Variants in HDX observed in about 807,000 individuals in gnomAD.
The protein encoded by HDX is chromosome X open reading frame 43.
Under a neutral mutation model 45.2 loss-of-function variants are expected in HDX, and 19 were observed. The ratio of observed to expected loss-of-function variants is 0.42; its 90% CI spans 0.29 to 0.62. The LOEUF (loss-of-function observed/expected upper bound fraction) is 0.62, where lower values mean the gene tolerates loss of function less well. Among genes scored for constraint, HDX ranks in the 20% least tolerant of loss-of-function variants. The probability of loss-of-function intolerance (pLI) is 0.20; values close to 1 mark genes in which losing one functional copy is unlikely to be tolerated. For missense variants in HDX, 532 were observed against 493.9 expected, an observed-to-expected ratio of 1.08 and a Z score of -0.73; for synonymous variants, 188 against 172.8, an observed-to-expected ratio of 1.09 and a Z score of -0.69.
At chrX:84,480,149 C>G (rs112387286) in intron 2 of HDX, among the ~76,000 whole-genome samples, 1 of 110,961 alleles carries the variant, frequency 9.0e-6, no homozygotes, top group Non-Finnish European at 1.9e-5. Flanking sequence ...TTAACATTTC[C>G]AATTGTTCAT....
At chrX:84,449,611 C>A (rs1483093158) in intron 4 of HDX, among the ~76,000 whole-genome samples, 1 of 111,483 alleles carries the variant, frequency 9.0e-6, no homozygotes, top group Non-Finnish European at 1.9e-5. Flanking sequence ...ATTTCCCAGA[C>A]AAACAAAAGC....
chrX:84,362,433 T>A, intron 5 of HDX, among the ~76,000 whole-genome samples: 1 of 111,097 alleles, frequency 9.0e-6, no homozygotes, highest in Non-Finnish European at 1.9e-5. Flanking sequence ...TATCTGAGTT[T>A]TTCTAGTTGT....
chrX:84,388,684 C>T (rs2038375011), intron 5 of HDX, among the ~76,000 whole-genome samples: 1 of 111,370 alleles, frequency 9.0e-6, no homozygotes, highest in South Asian at 3.8e-4. Flanking sequence ...TCTATTTTAT[C>T]CTTCAGCTCT....
In HDX at chrX:84,468,770, G is replaced by T; in HGVS notation, c.953C>A (p.Ala318Glu). Residue 318 changes from alanine to glutamate, a missense_variant, in exon 4 of 11, where the codon GCA becomes GAA. Transcript: ENST00000373177. ...AAATCTCGAATAGCTTGGTATCTGT[G>T]CTCTCATCGATGCCAGCTCTTCCTC... ...AREEELASMRAQIPSYSRFYE... is the reference protein window; with the variant it reads ...AREEELASMREQIPSYSRFYE... The T allele has an allele frequency of 8.3e-7, 1 of 1,211,037 alleles. No individual in the cohort carries two copies. Among genetic ancestry groups the T allele is most frequent in the Non-Finnish European group, 1.1e-6 (1 of 894,982 alleles).
At chrX:84,342,555 G>A (rs1396769952) in intron 7 of HDX, among the ~76,000 whole-genome samples, 1 of 110,068 alleles carries the variant, frequency 9.1e-6, no homozygotes, top group Non-Finnish European at 1.9e-5. Context: ...GAGAGAGAGT[G>A]TGTGTGTGTA....
At chrX:84,380,212 C>A (rs2147900889) in intron 5 of HDX, among the ~76,000 whole-genome samples, 1 of 105,692 alleles carries the variant, frequency 9.5e-6, no homozygotes, top group Admixed American at 1.0e-4. Flanking sequence ...GTAACGGGAT[C>A]AAAGCTGTAA....
At chrX:84,328,946 C>T (rs1451710640) in intron 9 of HDX, among the ~76,000 whole-genome samples, 2 of 111,861 alleles carry the variant, frequency 1.8e-5, no homozygotes, top group Admixed American at 9.5e-5. Flanking sequence ...GTAAATTGTA[C>T]ATTGGTTTGG....
intron 3 of HDX, among the ~76,000 whole-genome samples, chrX:84,472,630 G>A (rs1233938425): frequency 1.8e-5 from 2 of 110,787 alleles, no homozygotes; most frequent in Admixed American, 9.6e-5. Flanking sequence ...AGCAGTCTGG[G>A]GTCCTTTAAG....
chrX:84,500,959 A>C (rs2041107500), intron 1 of HDX, among the ~76,000 whole-genome samples: 1 of 111,683 alleles, frequency 9.0e-6, no homozygotes, highest in South Asian at 3.7e-4. Flanking sequence ...AAGACTGCCT[A>C]GGAAGCTCCT....
At chrX:84,375,665 T>A (rs5968307) in intron 5 of HDX, among the ~76,000 whole-genome samples, 69 of 105,791 alleles carry the variant, frequency 6.5e-4, no homozygotes, top group Non-Finnish European at 6.6e-4. Context: ...AACACCGCAT[T>A]TTCTCACTCA....
chrX:84,435,811 C>T (rs1279977380), intron 5 of HDX, among the ~76,000 whole-genome samples: 2 of 103,288 alleles, frequency 1.9e-5, no homozygotes, highest in Admixed American at 1.1e-4. Flanking sequence ...GAAATAGGAA[C>T]ACTTTTACAC....
intron 4 of HDX, among the ~76,000 whole-genome samples, chrX:84,451,391 C>T (rs1450203372): frequency 9.0e-6 from 1 of 110,591 alleles, no homozygotes; most frequent in Non-Finnish European, 1.9e-5. Context: ...CTATAAAGAA[C>T]AACTATACAC....
At chrX:84,488,784 A>G (rs765117815) in intron 1 of HDX, among the ~76,000 whole-genome samples, 32 of 112,274 alleles carry the variant, frequency 2.9e-4, no homozygotes, top group African/African-American at 8.7e-4. Context: ...ATAGAAAAAT[A>G]AAGTGTTTTT....
chrX:84,402,770 G>C (rs780008304), intron 5 of HDX, among the ~76,000 whole-genome samples: 1 of 111,643 alleles, frequency 9.0e-6, no homozygotes, highest in Admixed American at 9.6e-5. Context: ...GTCTTCCAAA[G>C]TGGCTGTACT....
chrX:84,344,023 T>A lies in HDX; in HGVS notation c.1660+227A>T, dbSNP rs894949131. Among the ~76,000 whole-genome samples the A allele has an allele frequency of 3.6e-5, 4 of 111,730 alleles. No individual in the cohort carries two copies. The Admixed American group carries it at 3.8e-4, about 11-fold the overall frequency. On this transcript the variant is annotated intron_variant, in intron 7 of 10. Coordinates refer to ENST00000373177, the MANE Select transcript of HDX (RefSeq NM_001177479.2). Reference sequence around the variant, plus strand: ...AATTATAATGCATGAATTGTAATAATCAACATTTATAAATGTAGGAGATTA... The same window carrying A: ...AATTATAATGCATGAATTGTAATAAACAACATTTATAAATGTAGGAGATTA...
intron 4 of HDX, among the ~76,000 whole-genome samples, chrX:84,459,142 A>T (rs1194884829): frequency 8.9e-6 from 1 of 111,946 alleles, no homozygotes; most frequent in Non-Finnish European, 1.9e-5. Context: ...TCAGTAGGCT[A>T]ATTAAGAAAA....
At chrX:84,420,498 T>C (rs766826674) in intron 5 of HDX, among the ~76,000 whole-genome samples, 4 of 111,061 alleles carry the variant, frequency 3.6e-5, no homozygotes, top group Non-Finnish European at 7.6e-5. Flanking sequence ...GATCAAAAAA[T>C]AGTCTCAAAA....
chrX:84,323,395 A>G lies in HDX; in HGVS notation c.1948-1381T>C, dbSNP rs186132615. Among the ~76,000 whole-genome samples, 17 of 111,099 alleles carry G rather than the reference A, an allele frequency of 1.5e-4. No individual in the cohort carries two copies. In the East Asian group the frequency reaches 4.8e-3, roughly 31 times the overall value. ...ACATTGGCTGATCAGTCTATATGACATACATCACTGGATTTAACTCGCTTT... is the reference window on the plus strand; with the variant it reads ...ACATTGGCTGATCAGTCTATATGACGTACATCACTGGATTTAACTCGCTTT... On this transcript the variant is annotated intron_variant, in intron 10 of 10. Transcript: ENST00000373177.
intron 9 of HDX, 32 bp from the exon 10 acceptor site, chrX:84,326,332 C>A (rs746757895): frequency 5.4e-6 from 6 of 1,103,277 alleles, no homozygotes; most frequent in Non-Finnish European, 7.5e-6. Flanking sequence ...GATACAATTA[C>A]CTTATGTAAA....
Sources: gnomAD v4.1 joint callset for allele counts (sites outside exome capture counted in the v4.1 genomes callset) on GRCh38, gnomAD v4.1.1 for gene constraint, MANE v1.5 for transcripts, NCBI Gene and HGNC (gene_info 2026-07-23, HGNC 2026-07-21) for gene names.